MAGI3: variants seen among roughly 807,000 people sequenced by gnomAD.
The protein encoded by MAGI3 is membrane-associated guanylate kinase, WW and PDZ domain-containing protein 3.
Under a neutral mutation model 121.8 loss-of-function variants are expected in MAGI3, and 43 were observed. That is an observed-to-expected ratio of 0.35 (90% CI 0.28 to 0.46). The LOEUF is 0.46. Among genes scored for constraint, MAGI3 ranks in the 20% least tolerant of loss-of-function variants. The pLI is 1.00. For synonymous variants in MAGI3, 553 were observed against 639.3 expected (o/e 0.86, Z 2.04); for missense variants, 1,547 against 1,797.3 (o/e 0.86, Z 2.52).
chr1:113,649,353 G>T, intron 13 of MAGI3, 25 bp downstream of exon 13: 1 of 1,534,370 alleles, frequency 6.5e-7, no homozygotes, highest in South Asian at 1.2e-5. Flanking sequence ...TTTGGAACAT[G>T]GCTGTTTCCT....
intron 2 of MAGI3, among the ~76,000 whole-genome samples, chr1:113,553,878 G>A (rs1216049730): frequency 1.3e-5 from 2 of 152,018 alleles, no homozygotes; most frequent in South Asian, 2.1e-4. Flanking sequence ...GCGTGGTGGC[G>A]GGTGCCTGTA....
chr1:113,407,094 T>G (rs1456917395), intron 1 of MAGI3, among the ~76,000 whole-genome samples: 4 of 152,156 alleles, frequency 2.6e-5, no homozygotes, highest in Non-Finnish European at 5.9e-5. Context: ...TGGGGGTCTG[T>G]TAGCCACAGT....
intron 4 of MAGI3, among the ~76,000 whole-genome samples, chr1:113,587,783 G>C (rs913950128): frequency 3.3e-5 from 5 of 152,142 alleles, no homozygotes; most frequent in Non-Finnish European, 7.4e-5. Context: ...ATTAAGAAAA[G>C]TGTTATAGAT....
chr1:113,649,847 T>G (rs1653059881), intron 13 of MAGI3, among the ~76,000 whole-genome samples: 1 of 152,186 alleles, frequency 6.6e-6, no homozygotes, highest in Non-Finnish European at 1.5e-5. Context: ...ATAATTAATA[T>G]TTTTGTCCAG....
At chr1:113,562,630 A>AATG (rs1260846572) in intron 2 of MAGI3, among the ~76,000 whole-genome samples, 3 of 152,090 alleles carry the variant, frequency 2.0e-5, no homozygotes, top group Non-Finnish European at 2.9e-5. Context: ...TTGAGAGCTG[A>AATG]ATGATGAGAA....
At chr1:113,590,348 A>G in intron 4 of MAGI3, 136 bp from the exon 5 acceptor site, 1 of 796,100 alleles carries the variant, frequency 1.3e-6, no homozygotes, top group Non-Finnish European at 2.0e-6. Flanking sequence ...TAAAATTTAT[A>G]GCAGAATGTG....
At chr1:113,641,761 G>A (rs965213973) in intron 9 of MAGI3, 150 bp from the exon 10 acceptor site, 7 of 589,984 alleles carry the variant, frequency 1.2e-5, no homozygotes, top group African/African-American at 1.1e-4. Context: ...AAGGGAGAAG[G>A]TCTGTGTTAG....
chr1:113,546,149 A>G (rs1570835978), intron 1 of MAGI3, among the ~76,000 whole-genome samples: 2 of 152,236 alleles, frequency 1.3e-5, no homozygotes, highest in South Asian at 2.1e-4. Context: ...TTGGCAGTCC[A>G]TGATGGCTGC....
At chr1:113,435,039 A>G (rs1653496537) in intron 1 of MAGI3, among the ~76,000 whole-genome samples, 1 of 152,188 alleles carries the variant, frequency 6.6e-6, no homozygotes, top group Admixed American at 6.5e-5. Context: ...TATGTTTTAC[A>G]TACCAAGTAT....
rs1459809560 is a variant in MAGI3, at chr1:113,391,168, G to T, written c.135G>T (p.Leu45=). The T allele has an allele frequency of 6.4e-7, 1 of 1,555,892 alleles. No homozygotes were observed. Among genetic ancestry groups the T allele is most frequent in the South Asian group, 1.2e-5 (1 of 84,620 alleles). Residue 45 remains leucine (L), a synonymous_variant, in exon 1 of 21, where the codon CTG becomes CTT. Coordinates refer to ENST00000307546, the MANE Select transcript of MAGI3 (RefSeq NM_001142782.2). The surrounding 1 kb of genome is among the most constrained non-coding windows in gnomAD (Gnocchi z 4.4). ...GGAERGEFPY[L]GRLREEPGGG... is the part of the protein sequence containing the mutation. The stretch of plus-strand genomic sequence containing the variant: ...CGGAGCGTGGCGAGTTCCCCTACCT[G>T]GGGCGGCTCCGCGAGGAGCCCGGCG...
chr1:113,517,028 A>G (rs1038386286), intron 1 of MAGI3, among the ~76,000 whole-genome samples: 2 of 152,020 alleles, frequency 1.3e-5, no homozygotes, highest in Non-Finnish European at 1.5e-5. Context: ...AAAAACAAGG[A>G]AAGTCTAAGA....
At chr1:113,665,249 T>C (rs1048333986) in intron 16 of MAGI3, among the ~76,000 whole-genome samples, 7 of 152,158 alleles carry the variant, frequency 4.6e-5, no homozygotes, top group African/African-American at 1.7e-4. Context: ...ACAGCACTTC[T>C]TTGCCTTATT....
chr1:113,418,528 C>T (rs1246105335), intron 1 of MAGI3, among the ~76,000 whole-genome samples: 3 of 152,110 alleles, frequency 2.0e-5, no homozygotes, highest in Admixed American at 1.3e-4. Flanking sequence ...CTTTTGACCT[C>T]GTTTAGGGGA....
chr1:113,446,979 T>C (rs930529067), intron 1 of MAGI3, among the ~76,000 whole-genome samples: 10 of 152,176 alleles, frequency 6.6e-5, no homozygotes, highest in African/African-American at 2.4e-4. Context: ...AGTAGTATGG[T>C]GGTTGCCAGG....
intron 1 of MAGI3, among the ~76,000 whole-genome samples, chr1:113,474,902 T>C (rs948993351): frequency 1.3e-5 from 2 of 152,236 alleles, no homozygotes; most frequent in African/African-American, 4.8e-5. Flanking sequence ...GTTTGTGTCC[T>C]CTTTTATTTC....
intron 2 of MAGI3, among the ~76,000 whole-genome samples, chr1:113,562,560 T>G (rs1194272737): frequency 6.6e-6 from 1 of 152,168 alleles, no homozygotes; most frequent in Non-Finnish European, 1.5e-5. Context: ...CTTCACAGAA[T>G]TAGAAAAAAA....
rs552144304 is a variant in MAGI3, at chr1:113,658,571, A to C, written c.2630-509A>C. Among the ~76,000 whole-genome samples, 1 of 152,360 alleles carries C rather than the reference A, an allele frequency of 6.6e-6. No individual in the cohort carries two copies. Among genetic ancestry groups the C allele is most frequent in the East Asian group, 1.9e-4 (1 of 5,192 alleles). ...TCATTTCACTGTACCTGAATTTCTG[A>C]CCAATAACTACCGAGTGCTAAACCT... On this transcript the variant is annotated intron_variant, in intron 15 of 20. Coordinates refer to ENST00000307546, the MANE Select transcript of MAGI3 (RefSeq NM_001142782.2). This position sits in a 1 kb window ranked among gnomAD's most constrained non-coding sequence, Gnocchi z 4.0.
chr1:113,635,490 G>T (rs1651948473), intron 9 of MAGI3, among the ~76,000 whole-genome samples: 2 of 152,134 alleles, frequency 1.3e-5, no homozygotes, highest in Admixed American at 1.3e-4. Context: ...TAACCATGTG[G>T]TTTTTGTCTT....
intron 1 of MAGI3, among the ~76,000 whole-genome samples, chr1:113,397,121 A>G (rs749394098): frequency 6.6e-6 from 1 of 152,170 alleles, no homozygotes; most frequent in African/African-American, 2.4e-5. Flanking sequence ...TTTTCCACCC[A>G]TGTTGGAACC....
Sources: gnomAD v4.1 joint callset for allele counts (sites outside exome capture counted in the v4.1 genomes callset) on GRCh38, gnomAD v4.1.1 for gene constraint, Gnocchi (gnomAD v3.1) non-coding constraint, MANE v1.5 for transcripts, NCBI Gene and HGNC (gene_info 2026-07-23, HGNC 2026-07-21) for gene names.